CELF2: variants seen among roughly 807,000 people sequenced by gnomAD.
CELF2 encodes CUGBP Elav-like family member 2, also known as CUG triplet repeat RNA-binding protein 2.
A neutral mutation model predicts 62.6 loss-of-function variants in CELF2; 8 were observed. The observed-to-expected ratio is 0.13, with a 90% confidence interval of 0.07 to 0.23. CELF2 has a LOEUF of 0.23. Ranked by LOEUF, CELF2 falls within the 10% of genes least tolerant of loss-of-function variation. The probability of loss-of-function intolerance (pLI) is 1.00; values close to 1 mark genes in which losing one functional copy is unlikely to be tolerated. For missense variants in CELF2, 333 were observed against 671.0 expected, an observed-to-expected ratio of 0.50 and a Z score of 5.56; for synonymous variants, 258 against 250.0, an observed-to-expected ratio of 1.03 and a Z score of -0.30.
rs2079840631 is a variant in CELF2, at chr10:11,259,529, TA to T, written c.538+1661del. Among the ~76,000 whole-genome samples the T allele has an allele frequency of 1.1e-4, 16 of 152,224 alleles. No individual in the cohort carries two copies. In the South Asian group the frequency reaches 3.1e-3, roughly 30 times the overall value. On this transcript the variant is annotated intron_variant, in intron 5 of 12. Transcript: ENST00000633077. ...CACTCACTTAAAAGATGTAATTCTC[TA>T]AAAGCTGAACAAGTCACTGTATTGA...
chr10:10,720,077 G>A, the CELF2 span, among the ~76,000 whole-genome samples: 1 of 152,146 alleles, frequency 6.6e-6, no homozygotes, highest in Non-Finnish European at 1.5e-5. Context: ...TGCGTTTCAT[G>A]AGGAGAGGAA....
In CELF2 at chr10:10,988,914, T is replaced by G. The variant is rs150783579; in HGVS notation, c.89+68915T>G. 3.9e-3 allele frequency among the ~76,000 whole-genome samples: 589 copies of G among 152,064 alleles called. 7 individuals are homozygous for G. Among genetic ancestry groups the G allele is most frequent in the African/African-American group, 0.013 (555 of 41,490 alleles). On this transcript the variant is annotated intron_variant, in intron 2 of 13. Coordinates refer to the CELF2 transcript ENST00000636488. ...CATTAGAAACACTAAAGATCGAAATTTTGTCATTTGCCAAAAAGATAAATA... is the reference window on the plus strand; with the variant it reads ...CATTAGAAACACTAAAGATCGAAATGTTGTCATTTGCCAAAAAGATAAATA...
intron 2 of CELF2, among the ~76,000 whole-genome samples, chr10:11,174,323 C>T (rs2070178130): frequency 6.6e-6 from 1 of 152,132 alleles, no homozygotes; most frequent in African/African-American, 2.4e-5. Flanking sequence ...GGCTAGTTAG[C>T]TACACTGGGG....
Position 11,315,367 on chromosome 10 carries a change from A to G in CELF2, c.1096+1109A>G, listed in dbSNP as rs947231630. On this transcript the variant is annotated intron_variant, in intron 10 of 12. Transcript: ENST00000633077. This position sits in a 1 kb window ranked among gnomAD's most constrained non-coding sequence, Gnocchi z 5.8. ...GACAGTTGTTGCCCTATTTTAAGCC[A>G]TGGTTCAATAAGTGGACTGTTTTTA... Among the ~76,000 whole-genome samples the G allele has an allele frequency of 6.6e-6, 1 of 152,148 alleles. No individual in the cohort carries two copies. The highest frequency in any genetic ancestry group is 1.5e-5 in the Non-Finnish European group (1 of 68,032).
intron 1 of CELF2, among the ~76,000 whole-genome samples, chr10:11,152,760 A>G (rs868618274): frequency 1.3e-5 from 2 of 152,188 alleles, no homozygotes; most frequent in Admixed American, 6.5e-5. Flanking sequence ...TCAAACTTAC[A>G]TAACTCTTGT....
chr10:11,093,644 C>T (rs541285752), intron 1 of CELF2, among the ~76,000 whole-genome samples: 1 of 152,314 alleles, frequency 6.6e-6, no homozygotes, highest in African/African-American at 2.4e-5. Context: ...TAATCTACAA[C>T]TATAAAATAG....
chr10:10,918,469 A>G lies in CELF2; in HGVS notation c.54-1495A>G, dbSNP rs146417737. On this transcript the variant is annotated intron_variant, in intron 1 of 13. Transcript: ENST00000636488. ...TGATTACTTAGGAAAGAATATTTTTATAGAAACTAAACTTATTCATTTACT... is the reference window on the plus strand; with the variant it reads ...TGATTACTTAGGAAAGAATATTTTTGTAGAAACTAAACTTATTCATTTACT... 8.5e-3 allele frequency among the ~76,000 whole-genome samples: 1,299 copies of G among 152,336 alleles called. 4 individuals carry two copies. The highest frequency in any genetic ancestry group is 9.3e-3 in the African/African-American group (386 of 41,582).
intron 2 of CELF2, among the ~76,000 whole-genome samples, chr10:10,955,693 T>C (rs2048814349): frequency 6.6e-6 from 1 of 152,146 alleles, no homozygotes; most frequent in South Asian, 2.1e-4. Context: ...ACCCAGATAG[T>C]CTGCCCCCAG....
chr10:11,166,889 C>T (rs1378597053), intron 2 of CELF2, among the ~76,000 whole-genome samples: 2 of 152,192 alleles, frequency 1.3e-5, no homozygotes, highest in African/African-American at 4.8e-5. Context: ...CTGTTGTTGC[C>T]AGGGTCTGGC....
At chr10:10,761,847 A>G in the CELF2 span, among the ~76,000 whole-genome samples, 1 of 151,608 alleles carries the variant, frequency 6.6e-6, no homozygotes, top group Non-Finnish European at 1.5e-5. Flanking sequence ...CTTGCCACCT[A>G]CAGATCTGGG....
At chr10:11,308,795 A>G (rs181113608) in intron 9 of CELF2, among the ~76,000 whole-genome samples, 1 of 152,294 alleles carries the variant, frequency 6.6e-6, no homozygotes, top group East Asian at 1.9e-4. Context: ...GTTAAATTTT[A>G]AAATGCTGCC....
chr10:11,288,669 A>G, intron 9 of CELF2, 117 bp downstream of exon 9: 1 of 1,109,730 alleles, frequency 9.0e-7, no homozygotes, highest in Non-Finnish European at 1.3e-6. Flanking sequence ...CCGGGATACT[A>G]TACTGGGCTG....
chr10:11,278,565 A>G (rs536564000), intron 8 of CELF2, among the ~76,000 whole-genome samples: 47 of 152,360 alleles, frequency 3.1e-4, no homozygotes, highest in Non-Finnish European at 4.6e-4. Context: ...TGTTTATAAC[A>G]ACTATCAACT....
intron 3 of CELF2, among the ~76,000 whole-genome samples, chr10:11,222,915 T>C (rs1040737948): frequency 1.3e-5 from 2 of 152,214 alleles, no homozygotes; most frequent in Non-Finnish European, 2.9e-5. Context: ...TATATGTGTA[T>C]GTCTATATGC....
rs1157525687 is a variant in CELF2 at position 10,983,526 on chromosome 10, G to C, written c.89+63527G>C. ...AGTCCCTACAAAGGCCTTATGCTAT[G>C]ATGGGTGCTACCGAAGATACATCCG... On this transcript the variant is annotated intron_variant, in intron 2 of 13. Transcript: ENST00000636488. This position sits in a 1 kb window ranked among gnomAD's most constrained non-coding sequence, Gnocchi z 5.2. Among the ~76,000 whole-genome samples, 1 of 152,174 alleles carries C rather than the reference G, an allele frequency of 6.6e-6. No individual in the cohort carries two copies. Among genetic ancestry groups the C allele is most frequent in the Non-Finnish European group, 1.5e-5 (1 of 68,016 alleles).
At position 11,321,094 on chromosome 10, in the gene CELF2, T is replaced by C. The variant is rs1215946415; in HGVS notation, c.1097-95T>C. 3 of 1,360,216 alleles carry C rather than the reference T, an allele frequency of 2.2e-6. No homozygotes were observed. Among genetic ancestry groups the C allele is most frequent in the Non-Finnish European group, 2.1e-6 (2 of 956,740 alleles). The allele number at this position is 1,360,216 out of a possible 1,614,324, so 84.3% of individuals were successfully genotyped here. A position where few individuals can be genotyped will look rare whatever the true frequency, so the allele number is the denominator to read the frequency against. On this transcript the variant is annotated intron_variant, in intron 10 of 12. Coordinates refer to ENST00000633077, the MANE Select transcript of CELF2 (RefSeq NM_001326342.2). The surrounding 1 kb of genome is among the most constrained non-coding windows in gnomAD (Gnocchi z 6.2). ...TTGTGTGCTAGCTGCATGTACTTGC[T>C]GTTGTACTGTGTTTAAATGATTCTC... is the stretch of plus-strand genomic sequence containing the variant.
At chr10:10,632,177 C>G in the CELF2 span, among the ~76,000 whole-genome samples, 16 of 152,176 alleles carry the variant, frequency 1.1e-4, no homozygotes, top group African/African-American at 3.9e-4. Context: ...GCTGTGATTT[C>G]TGAATTCATT....
At chr10:11,204,833 G>A (rs1215329524) in intron 2 of CELF2, among the ~76,000 whole-genome samples, 1 of 152,206 alleles carries the variant, frequency 6.6e-6, no homozygotes, top group Non-Finnish European at 1.5e-5. Flanking sequence ...TTCTTGTGAA[G>A]CCCAGTGTTA....
At chr10:10,818,546 C>CTTTTTTTTTT (rs3028992) in intron 1 of CELF2, among the ~76,000 whole-genome samples, 3 of 116,540 alleles carry the variant, frequency 2.6e-5, no homozygotes, top group Non-Finnish European at 5.1e-5. Flanking sequence ...TAAATATTTC[C>CTTTTTTTTTT]TTTTTTTTTT....
Sources: allele counts gnomAD v4.1 joint callset (sites outside exome capture counted in the v4.1 genomes callset), GRCh38; gene constraint gnomAD v4.1.1; non-coding constraint Gnocchi (gnomAD v3.1); transcripts MANE v1.5; gene names NCBI Gene and HGNC (gene_info 2026-07-23, HGNC 2026-07-21).